RFC2: variants seen among roughly 807,000 people sequenced by gnomAD.
The protein encoded by RFC2 is A1 40 kDa subunit.
A neutral mutation model predicts 44.8 loss-of-function variants in RFC2; 34 were observed. That is an observed-to-expected ratio of 0.76 (90% CI 0.58 to 1.01). RFC2 has a LOEUF of 1.01. Ranked by LOEUF, RFC2 falls within the 50% of genes least tolerant of loss-of-function variation. The pLI, the probability that RFC2 is intolerant of heterozygous loss-of-function variation, is 0.00. For synonymous variants in RFC2, 177 were observed against 168.9 expected, an observed-to-expected ratio of 1.05 and a Z score of -0.37; for missense variants, 400 against 453.6, an observed-to-expected ratio of 0.88 and a Z score of 1.07.
chr7:74,232,170 A>G lies in RFC2; in HGVS notation c.1001T>C (p.Leu334Pro). Residue 334 changes from leucine to proline, a missense_variant, in exon 11 of 11, where the codon CTT becomes CCT. Physicochemically the swap from Leu to Pro is moderately conservative, Grantham distance 98. Transcript: ENST00000055077. Reference sequence around the variant, plus strand: ...TGCCAGGAGGCCTGCCATCTGCAAAAGAGAGTTCACTCCTTCCGCTATTTT... The same window carrying G: ...TGCCAGGAGGCCTGCCATCTGCAAAGGAGAGTTCACTCCTTCCGCTATTTT... ...HMKIAEGVNS[L>P]LQMAGLLARL... 1 of 1,613,686 alleles carries G rather than the reference A, an allele frequency of 6.2e-7. No homozygotes were observed. Among genetic ancestry groups the G allele is most frequent in the Non-Finnish European group, 8.5e-7 (1 of 1,179,504 alleles).
chr7:74,240,502 CAAA>C (rs1216974808), intron 6 of RFC2, among the ~76,000 whole-genome samples: 13 of 73,382 alleles, frequency 1.8e-4, no homozygotes, highest in Admixed American at 4.4e-4. Flanking sequence ...GCTGTGTCTC[CAAA>C]AAAAAAAAAA....
At chr7:74,237,833 T>C (rs1803109793) in intron 8 of RFC2, among the ~76,000 whole-genome samples, 1 of 151,986 alleles carries the variant, frequency 6.6e-6, no homozygotes, top group Non-Finnish European at 1.5e-5. Flanking sequence ...CACCCCGGAG[T>C]AGGAACTGGC....
chr7:74,243,905 A>G (rs1803464235), intron 5 of RFC2, among the ~76,000 whole-genome samples: 1 of 151,650 alleles, frequency 6.6e-6, no homozygotes, highest in Admixed American at 6.6e-5. Flanking sequence ...TATATATATT[A>G]TGATCTCAAC....
chr7:74,244,206 T>G (rs1803481621), intron 5 of RFC2, among the ~76,000 whole-genome samples: 1 of 151,338 alleles, frequency 6.6e-6, no homozygotes, highest in South Asian at 2.1e-4. Flanking sequence ...AGGCAGAGGT[T>G]GCAGTGAGCC....
chr7:74,250,010 AG>A (rs1288966002), intron 2 of RFC2, among the ~76,000 whole-genome samples: 1 of 151,734 alleles, frequency 6.6e-6, no homozygotes, highest in African/African-American at 2.4e-5. Context: ...AAAATTAGCC[AG>A]GTGTGGTGGT....
At chr7:74,243,061 G>A (rs1803425211) in intron 6 of RFC2, 85 bp downstream of exon 6, 3 of 872,370 alleles carry the variant, frequency 3.4e-6, no homozygotes, top group Admixed American at 1.9e-5. Flanking sequence ...TCCAGCCTGA[G>A]CGAAGAGGGA....
chr7:74,242,749 T>TAAAA (rs71094767), intron 6 of RFC2, among the ~76,000 whole-genome samples: 2 of 105,646 alleles, frequency 1.9e-5, no homozygotes, highest in African/African-American at 3.7e-5. Context: ...CCCCATCTCT[T>TAAAA]AAAAAAAAAA....
intron 2 of RFC2, among the ~76,000 whole-genome samples, chr7:74,251,573 G>A (rs1786949902): frequency 6.6e-6 from 1 of 152,004 alleles, no homozygotes; most frequent in Admixed American, 6.6e-5. Flanking sequence ...GCCGAGGCAG[G>A]CGGATCACGA....
chr7:74,240,059 G>A lies in RFC2; in HGVS notation c.572C>T (p.Thr191Ile), dbSNP rs781896174. 35 of 1,613,998 alleles carry A rather than the reference G, an allele frequency of 2.2e-5. No individual in the cohort carries two copies. The highest frequency in any genetic ancestry group is 2.8e-5 in the Non-Finnish European group (33 of 1,179,986). The change falls in exon 7 of 11, where the codon ACA becomes ATA. Residue 191 changes from threonine to isoleucine, a missense_variant. Thr to Ile is a moderately conservative substitution (Grantham distance 89). Coordinates refer to ENST00000055077, the MANE Select transcript of RFC2 (RefSeq NM_181471.3). ...IQSRCAVLRYTKLTDAQILTR... is the reference protein window; with the variant it reads ...IQSRCAVLRYIKLTDAQILTR... ...GAGGATCTGGGCGTCGGTCAGCTTT[G>A]TGTACCGGAGGACTGCACAGCGGGA...
At chr7:74,239,714 G>A (rs1554718942) in intron 7 of RFC2, among the ~76,000 whole-genome samples, 1 of 152,092 alleles carries the variant, frequency 6.6e-6, no homozygotes, top group South Asian at 2.1e-4. Flanking sequence ...CCTGACCTCA[G>A]GTGATCCTCC....
At chr7:74,240,656 C>T (rs1298846803) in intron 6 of RFC2, among the ~76,000 whole-genome samples, 1 of 152,202 alleles carries the variant, frequency 6.6e-6, no homozygotes, top group Non-Finnish European at 1.5e-5. Flanking sequence ...AATGATCCTC[C>T]AGTAGAAACA....
chr7:74,233,713 C>T (rs1408492008), intron 10 of RFC2: 1 of 424,490 alleles, frequency 2.4e-6, no homozygotes, highest in East Asian at 7.3e-5. Flanking sequence ...CGATCCTCCT[C>T]CCTCAGCCGC....
At chr7:74,237,262 G>A (rs1027845173) in intron 9 of RFC2, 100 bp downstream of exon 9, 1 of 737,906 alleles carries the variant, frequency 1.4e-6, no homozygotes, top group Non-Finnish European at 2.4e-6. Context: ...AGAATGAATG[G>A]AGTGATGTGT....
intron 9 of RFC2, among the ~76,000 whole-genome samples, chr7:74,236,460 T>C (rs987560330): frequency 2.0e-5 from 3 of 152,178 alleles, no homozygotes; most frequent in Admixed American, 6.6e-5. Flanking sequence ...ACTGGATCAA[T>C]GACCTTGAAC....
Position 74,237,457 on chromosome 7 carries a change from A to G in RFC2, c.760-15T>C. 1 of 1,551,420 alleles carries G rather than the reference A, an allele frequency of 6.4e-7. No individual in the cohort carries two copies. On this transcript the variant is annotated splice_polypyrimidine_tract_variant and intron_variant, in intron 8 of 10. Transcript: ENST00000055077. ...TCGTCACAGACCTGGCCAAAGGGAA[A>G]GGAAAGGCGGTCAGGGGCTAGAAGG...
chr7:74,242,145 A>G (rs1290121433), intron 6 of RFC2, among the ~76,000 whole-genome samples: 1 of 152,216 alleles, frequency 6.6e-6, no homozygotes, highest in African/African-American at 2.4e-5. Flanking sequence ...CCCGGAGGCA[A>G]CAAATTCCAA....
rs143237832 is a variant in RFC2 at position 74,254,291 on chromosome 7, G to C, written c.93C>G (p.Ala31=). Residue 31 remains alanine (A), a synonymous_variant, in exon 1 of 11, where the codon GCC becomes GCG. Transcript: ENST00000055077. ...APAFSKAPGS[A]GHYELPWVEK... is the part of the protein sequence containing the mutation. The stretch of plus-strand genomic sequence containing the variant: ...CTCACCACGGCAGTTCGTAGTGGCC[G>C]GCGCTGCCGGGGGCCTTGCTGAAGG... 2 of 1,612,562 alleles carry C rather than the reference G, an allele frequency of 1.2e-6. No homozygotes were observed. The highest frequency in any genetic ancestry group is 2.7e-5 in the African/African-American group (2 of 75,008).
chr7:74,250,822 CTT>C (rs1786888349), intron 2 of RFC2, among the ~76,000 whole-genome samples: 1 of 151,892 alleles, frequency 6.6e-6, no homozygotes, highest in Admixed American at 6.6e-5. Flanking sequence ...GAGCTTTGCT[CTT>C]GTTGCCCAGG....
intron 3 of RFC2, chr7:74,249,360 G>T: frequency 1.8e-6 from 1 of 567,092 alleles, no homozygotes; most frequent in Non-Finnish European, 3.1e-6. Context: ...GGCCAACATG[G>T]CGAAACCCCG....
Sources: allele counts gnomAD v4.1 joint callset (sites outside exome capture counted in the v4.1 genomes callset), GRCh38; gene constraint gnomAD v4.1.1; transcripts MANE v1.5; gene names NCBI Gene and HGNC (gene_info 2026-07-23, HGNC 2026-07-21).